ZFHX3: variants seen among roughly 807,000 people sequenced by gnomAD.
The protein encoded by ZFHX3 is zinc finger homeobox protein 3.
ZFHX3 carries 42 observed loss-of-function variants against 279.1 expected under a neutral mutation model. The ratio of observed to expected loss-of-function variants is 0.15; its 90% confidence interval spans 0.12 to 0.19. The LOEUF is 0.19. ZFHX3 is among the 10% of genes least tolerant of loss of function. ZFHX3 has a pLI of 1.00. For synonymous variants in ZFHX3, 2,293 were observed against 1,957.8 expected (o/e 1.17, Z -4.52); for missense variants, 4,981 against 4,754.0 (o/e 1.05, Z -1.40).
At chr16:72,919,304 G>A (rs562636317) in intron 3 of ZFHX3, among the ~76,000 whole-genome samples, 3 of 151,982 alleles carry the variant, frequency 2.0e-5, no homozygotes, top group East Asian at 3.9e-4. Context: ...GACTACAGGC[G>A]TGCACCACCA....
chr16:73,315,092 G>T (rs964713972), intron 4 of ZFHX3, among the ~76,000 whole-genome samples: 1 of 152,022 alleles, frequency 6.6e-6, no homozygotes, highest in Non-Finnish European at 1.5e-5. Flanking sequence ...GTTGGATGTG[G>T]TGGGGTGCAC....
intron 3 of ZFHX3, among the ~76,000 whole-genome samples, chr16:72,919,710 A>G (rs1230080079): frequency 7.1e-6 from 1 of 140,008 alleles, no homozygotes; most frequent in Non-Finnish European, 1.5e-5. Flanking sequence ...AATGATCTGT[A>G]TATGTAACAT....
chr16:73,340,655 C>T (rs142058476), intron 3 of ZFHX3, among the ~76,000 whole-genome samples: 11 of 152,256 alleles, frequency 7.2e-5, no homozygotes, highest in African/African-American at 1.4e-4. Context: ...GGATTATAGG[C>T]GTGAGCCACC....
At chr16:73,790,794 G>C (rs1959802088) in intron 1 of ZFHX3, among the ~76,000 whole-genome samples, 1 of 152,208 alleles carries the variant, frequency 6.6e-6, no homozygotes, top group Non-Finnish European at 1.5e-5. Flanking sequence ...AAGTTGCTCA[G>C]CAGAAATTAC....
intron 1 of ZFHX3, among the ~76,000 whole-genome samples, chr16:73,737,122 C>G (rs902793500): frequency 6.6e-6 from 1 of 152,122 alleles, no homozygotes; most frequent in African/African-American, 2.4e-5. Flanking sequence ...TAGCCTCAGT[C>G]TCTTGGGCTC....
chr16:72,943,401 T>C (rs1286518713), intron 3 of ZFHX3, among the ~76,000 whole-genome samples: 1 of 151,986 alleles, frequency 6.6e-6, no homozygotes, highest in Non-Finnish European at 1.5e-5. Context: ...GGTGTGGTAG[T>C]GGGCACCTGT....
intron 1 of ZFHX3, among the ~76,000 whole-genome samples, chr16:73,734,350 A>G (rs2053592435): frequency 6.6e-6 from 1 of 152,240 alleles, no homozygotes; most frequent in South Asian, 2.1e-4. Flanking sequence ...TTTTACTAGA[A>G]TAAACTGAAA....
chr16:72,908,520 G>T (rs1254968546), intron 3 of ZFHX3, among the ~76,000 whole-genome samples: 1 of 152,200 alleles, frequency 6.6e-6, no homozygotes, highest in East Asian at 1.9e-4. Context: ...ACACAAAGAG[G>T]AATTGATTAC....
intron 3 of ZFHX3, among the ~76,000 whole-genome samples, chr16:72,948,456 G>A (rs911056341): frequency 6.6e-6 from 1 of 152,010 alleles, no homozygotes; most frequent in Non-Finnish European, 1.5e-5. Flanking sequence ...AATAAACCTC[G>A]TCTCTTCCAA....
At chr16:73,144,189 G>C (rs1174294287) in intron 5 of ZFHX3, 4 of 170,168 alleles carry the variant, frequency 2.4e-5, no homozygotes, top group Non-Finnish European at 5.0e-5. Flanking sequence ...AGCGGGATCA[G>C]GACAAGGATG....
chr16:73,452,636 C>G (rs904876081), intron 3 of ZFHX3, among the ~76,000 whole-genome samples: 3 of 152,172 alleles, frequency 2.0e-5, no homozygotes, highest in African/African-American at 7.2e-5. Flanking sequence ...CTAGGAAAAC[C>G]ATTCCTACTC....
chr16:73,370,257 G>T (rs1007730166), intron 3 of ZFHX3, among the ~76,000 whole-genome samples: 1 of 152,226 alleles, frequency 6.6e-6, no homozygotes, highest in African/African-American at 2.4e-5. Context: ...ATTTTCACCT[G>T]GGTGTCAGCT....
At chr16:73,623,035 T>C (rs559666279) in intron 2 of ZFHX3, among the ~76,000 whole-genome samples, 3 of 83,014 alleles carry the variant, frequency 3.6e-5, no homozygotes, top group South Asian at 8.5e-4. Context: ...GAAGGGCACA[T>C]TGTATTTTTT....
chr16:72,898,741 T>C (rs1201206839), intron 3 of ZFHX3, among the ~76,000 whole-genome samples: 1 of 119,242 alleles, frequency 8.4e-6, no homozygotes, highest in Non-Finnish European at 1.7e-5. Context: ...TTATTAACCC[T>C]GTCTCAAAAA....
chr16:72,812,936 G>GT (rs1408880054), intron 5 of ZFHX3, among the ~76,000 whole-genome samples: 15 of 152,160 alleles, frequency 9.9e-5, no homozygotes, highest in Non-Finnish European at 4.4e-5. Flanking sequence ...TAGGCATTAG[G>GT]TTAGGCTCAG....
intron 5 of ZFHX3, among the ~76,000 whole-genome samples, chr16:73,247,183 G>A (rs2013308919): frequency 6.6e-6 from 1 of 151,896 alleles, no homozygotes; most frequent in African/African-American, 2.4e-5. Context: ...GTACCTGTAT[G>A]TGGAATACAT....
chr16:73,421,772 G>C (rs758981034), intron 3 of ZFHX3, among the ~76,000 whole-genome samples: 85 of 152,290 alleles, frequency 5.6e-4, no homozygotes, highest in Non-Finnish European at 1.0e-3. Context: ...GCTTCTGTCT[G>C]GGTGGGGGAT....
At chr16:72,880,181 C>T (rs1042734356) in intron 4 of ZFHX3, among the ~76,000 whole-genome samples, 4 of 152,188 alleles carry the variant, frequency 2.6e-5, no homozygotes, top group African/African-American at 9.7e-5. Context: ...CTTCATCTCT[C>T]CCACCACCTT....
intron 5 of ZFHX3, among the ~76,000 whole-genome samples, chr16:72,820,457 G>A (rs1053989289): frequency 1.3e-5 from 2 of 152,134 alleles, no homozygotes; most frequent in African/African-American, 4.8e-5. Flanking sequence ...GCCACCACCT[G>A]GTTTAGACCA....
Sources: allele counts gnomAD v4.1 joint callset (sites outside exome capture counted in the v4.1 genomes callset), GRCh38; gene constraint gnomAD v4.1.1; transcripts MANE v1.5; gene names NCBI Gene and HGNC (gene_info 2026-07-23, HGNC 2026-07-21).